The following LOC400499 variants were observed in gnomAD, a reference collection of about 807,000 sequenced individuals.
At chr16:11,446,993 C>T in the LOC400499 span, 4 of 1,432,596 alleles carry the variant, frequency 2.8e-6, no homozygotes, top group Non-Finnish European at 3.7e-6. Flanking sequence ...CGGTCTCAGC[C>T]TGGGCCTGTC....
the LOC400499 span, among the ~76,000 whole-genome samples, chr16:11,478,339 T>C: frequency 2.6e-5 from 4 of 152,032 alleles, no homozygotes; most frequent in Non-Finnish European, 5.9e-5. Flanking sequence ...GATATTTTGT[T>C]ATTTTTTATT....
the LOC400499 span, among the ~76,000 whole-genome samples, chr16:11,419,346 G>C: frequency 6.6e-6 from 1 of 151,844 alleles, no homozygotes; most frequent in Non-Finnish European, 1.5e-5. Flanking sequence ...ACAAGCAATG[G>C]GGAAAGGATT....
the LOC400499 span, among the ~76,000 whole-genome samples, chr16:11,515,704 G>C: frequency 2.4e-5 from 2 of 83,764 alleles, no homozygotes; most frequent in Non-Finnish European, 5.5e-5. Flanking sequence ...GAAGAGCTGA[G>C]GAGGGAGGAG....
At chr16:11,381,542 A>AAAAT in the LOC400499 span, among the ~76,000 whole-genome samples, 4 of 152,208 alleles carry the variant, frequency 2.6e-5, no homozygotes, top group Non-Finnish European at 5.9e-5. Context: ...TCAGACAGCA[A>AAAAT]AAATAAGATC....
the LOC400499 span, among the ~76,000 whole-genome samples, chr16:11,515,763 AAAAAGGGAGGAGGAGGAGG>A: frequency 5.8e-4 from 18 of 31,136 alleles, no homozygotes; most frequent in East Asian, 8.0e-4. Context: ...GGAGGAGGAG[AAAAAGGGAGGAGGAGGAGG>A]AAAAGGGAGG....
the LOC400499 span, chr16:11,396,267 C>T: frequency 1.4e-5 from 5 of 359,242 alleles, no homozygotes; most frequent in South Asian, 4.5e-4. Context: ...TAGGAAGGGC[C>T]GGGTGTTGGG....
At chr16:11,437,796 G>A in the LOC400499 span, among the ~76,000 whole-genome samples, 16 of 152,300 alleles carry the variant, frequency 1.1e-4, no homozygotes, top group East Asian at 2.3e-3. Flanking sequence ...TTGAACCTGG[G>A]AGGCAGAGGT....
chr16:11,489,165 C>G, the LOC400499 span, among the ~76,000 whole-genome samples: 2 of 152,206 alleles, frequency 1.3e-5, no homozygotes, highest in Non-Finnish European at 2.9e-5. Context: ...AGTCCCAAAG[C>G]TCAAAACCTG....
chr16:11,422,112 C>T, the LOC400499 span, among the ~76,000 whole-genome samples: 5 of 152,166 alleles, frequency 3.3e-5, no homozygotes, highest in Admixed American at 2.6e-4. Context: ...ATTGAAACAG[C>T]GGGAGCAGGC....
chr16:11,430,247 G>A, the LOC400499 span, among the ~76,000 whole-genome samples: 2 of 152,120 alleles, frequency 1.3e-5, no homozygotes, highest in Non-Finnish European at 2.9e-5. Context: ...AGCACTTTGG[G>A]AGTGGAGGCA....
At chr16:11,527,254 C>G in the LOC400499 span, among the ~76,000 whole-genome samples, 1 of 152,148 alleles carries the variant, frequency 6.6e-6, no homozygotes, top group African/African-American at 2.4e-5. Flanking sequence ...ATCTTTTTCC[C>G]CAAAGAGGAG....
chr16:11,399,257 T>C, the LOC400499 span: 3 of 985,058 alleles, frequency 3.0e-6, no homozygotes, highest in South Asian at 1.4e-4. Context: ...GCCGTTCCCC[T>C]TGCTTTTCTT....
chr16:11,525,962 A>G, the LOC400499 span, among the ~76,000 whole-genome samples: 1 of 152,198 alleles, frequency 6.6e-6, no homozygotes, highest in East Asian at 1.9e-4. Context: ...ATGGACTGAA[A>G]TGAGTGTCAT....
the LOC400499 span, among the ~76,000 whole-genome samples, chr16:11,482,380 G>A: frequency 6.6e-6 from 1 of 152,164 alleles, no homozygotes; most frequent in Non-Finnish European, 1.5e-5. Flanking sequence ...GAGCATGCTC[G>A]CAGGTCTGCA....
chr16:11,385,018 G>T, the LOC400499 span: 3 of 1,232,156 alleles, frequency 2.4e-6, no homozygotes, highest in Non-Finnish European at 3.0e-6. Flanking sequence ...GCAGCTTGAG[G>T]TCCGGACAAC....
the LOC400499 span, chr16:11,447,791 G>C: frequency 8.6e-7 from 1 of 1,167,368 alleles, no homozygotes; most frequent in African/African-American, 1.6e-5. Flanking sequence ...GCTCTTCTCT[G>C]GGATTTAGGT....
the LOC400499 span, among the ~76,000 whole-genome samples, chr16:11,440,479 T>A: frequency 3.9e-5 from 6 of 152,198 alleles, no homozygotes; most frequent in Non-Finnish European, 8.8e-5. Flanking sequence ...AGAGACTGCA[T>A]GGAGCAGAGC....
the LOC400499 span, among the ~76,000 whole-genome samples, chr16:11,409,930 T>C: frequency 1.3e-5 from 2 of 152,256 alleles, no homozygotes; most frequent in Non-Finnish European, 2.9e-5. Flanking sequence ...TGTCCTACAG[T>C]AGCTTTTATA....
chr16:11,447,885 G>A, the LOC400499 span: 2 of 1,506,256 alleles, frequency 1.3e-6, no homozygotes, highest in Non-Finnish European at 1.8e-6. Context: ...CCGTGCTAGA[G>A]AAGGGGAAAC....
Sources: allele counts gnomAD v4.1 joint callset (sites outside exome capture counted in the v4.1 genomes callset), GRCh38; gene constraint gnomAD v4.1.1; transcripts MANE v1.5.